Variants in ANKRD33B observed in about 807,000 individuals in gnomAD.
ANKRD33B encodes ankyrin repeat domain-containing protein 33B.
Under a neutral mutation model 21.5 loss-of-function variants are expected in ANKRD33B, and 6 were observed. The ratio of observed to expected loss-of-function variants is 0.28; its 90% CI spans 0.15 to 0.55. The LOEUF is 0.55. Ranked by LOEUF, ANKRD33B falls within the 20% of genes least tolerant of loss-of-function variation. The pLI is 0.94. For missense variants in ANKRD33B, 698 were observed against 747.2 expected, an observed-to-expected ratio of 0.93 and a Z score of 0.77; for synonymous variants, 347 against 342.4, an observed-to-expected ratio of 1.01 and a Z score of -0.15.
At position 10,617,459 on chromosome 5, in the gene ANKRD33B, C is replaced by T. The variant is rs113122538; in HGVS notation, c.367-874C>T. On this transcript the variant is annotated intron_variant, in intron 1 of 3. Transcript: ENST00000296657. ...CTCTTTTTCTATTCAACCTCACCTC[C>T]ATTCTAACAGCAAATCTTCCTTTCC... 1.2e-4 allele frequency among the ~76,000 whole-genome samples: 18 copies of T among 152,356 alleles called. 1 individual carries two copies. Among genetic ancestry groups the T allele is most frequent in the African/African-American group, 4.3e-4 (18 of 41,598 alleles).
intron 1 of ANKRD33B, among the ~76,000 whole-genome samples, chr5:10,616,857 A>C (rs1418448457): frequency 6.6e-6 from 1 of 152,222 alleles, no homozygotes; most frequent in African/African-American, 2.4e-5. Context: ...ACTTATTCAG[A>C]ATGGAAGTTT....
intron 1 of ANKRD33B, among the ~76,000 whole-genome samples, chr5:10,594,386 T>G (rs2126563645): frequency 6.6e-6 from 1 of 152,038 alleles, no homozygotes; most frequent in South Asian, 2.1e-4. Flanking sequence ...CCCGGCTAAT[T>G]TTTGTATTTT....
intron 3 of ANKRD33B, among the ~76,000 whole-genome samples, chr5:10,641,482 G>A (rs1465634188): frequency 6.6e-6 from 1 of 151,898 alleles, no homozygotes; most frequent in East Asian, 1.9e-4. Flanking sequence ...GCCCGCCTTA[G>A]CCTCCCAAAG....
In ANKRD33B at chr5:10,580,970, C is replaced by T. The variant is rs1029361718; in HGVS notation, c.366+16137C>T. On this transcript the variant is annotated intron_variant, in intron 1 of 3. Transcript: ENST00000296657. ...GGCAGGTCCTCTAAGTCTTCTGCTT[C>T]CCAAGGCCAAAGGGCTGCCAGTCGG... Among the ~76,000 whole-genome samples the T allele has an allele frequency of 5.9e-5, 9 of 152,256 alleles. No individual in the cohort carries two copies. In the Middle Eastern group the frequency reaches 0.014, roughly 230 times the overall value.
At chr5:10,613,505 G>C (rs112757439) in intron 1 of ANKRD33B, among the ~76,000 whole-genome samples, 3,398 of 151,676 alleles carry the variant, frequency 0.022, 123 homozygotes, top group African/African-American at 0.078. Flanking sequence ...TTAGCCAGGA[G>C]AGGATGTTAT....
At chr5:10,581,561 C>T (rs1291363798) in intron 1 of ANKRD33B, among the ~76,000 whole-genome samples, 22 of 152,202 alleles carry the variant, frequency 1.4e-4, no homozygotes, top group Non-Finnish European at 2.9e-4. Flanking sequence ...CATAGGCTGG[C>T]CTCTTTACTC....
chr5:10,626,296 C>T (rs1736544138), intron 2 of ANKRD33B, among the ~76,000 whole-genome samples: 1 of 152,244 alleles, frequency 6.6e-6, no homozygotes, highest in Non-Finnish European at 1.5e-5. Context: ...AACAGAATTG[C>T]TTCAGCAAGG....
rs577834929 is a variant in ANKRD33B at position 10,653,037 on chromosome 5, T to C, written c.*2924T>C. The C allele has an allele frequency of 1.1e-5, 2 of 179,436 alleles. No individual in the cohort carries two copies. Among genetic ancestry groups the C allele is most frequent in the African/African-American group, 2.4e-5 (1 of 42,462 alleles). The allele number at this position is 179,436 out of a possible 1,614,324, so 11.1% of individuals were successfully genotyped here. ...AAGCCTGACCTCCCGGGGAGCTTTA[T>C]TGTGGCCTCAGTGGAAAGATTGGAT... On this transcript the variant is annotated 3_prime_UTR_variant, in exon 4 of 4. Coordinates refer to ENST00000296657, the MANE Select transcript of ANKRD33B (RefSeq NM_001164440.2).
Position 10,608,284 on chromosome 5 carries a change from T to G in ANKRD33B, c.367-10049T>G, listed in dbSNP as rs182610038. 1.4e-4 allele frequency among the ~76,000 whole-genome samples: 20 copies of G among 147,592 alleles called. No homozygotes were observed. In the East Asian group the frequency reaches 4.0e-3, roughly 29 times the overall value. Reference sequence around the variant, plus strand: ...GGGGCAGGAGAATCGCCTGAACCCATGAGGCGGACATTGCAGTGAGCCAAG... The same window carrying G: ...GGGGCAGGAGAATCGCCTGAACCCAGGAGGCGGACATTGCAGTGAGCCAAG... On this transcript the variant is annotated intron_variant, in intron 1 of 3. Transcript: ENST00000296657.
At chr5:10,580,335 T>G (rs775725415) in intron 1 of ANKRD33B, among the ~76,000 whole-genome samples, 15 of 152,250 alleles carry the variant, frequency 9.9e-5, no homozygotes, top group Non-Finnish European at 1.8e-4. Flanking sequence ...TTTGCTGACC[T>G]GTCGCTGCAG....
rs1369659305 is a variant in ANKRD33B, at chr5:10,564,630, G to A, written c.163G>A (p.Asp55Asn). ...GCCAGACACCCGCAGCATCGCCTCG[G>A]ACGACTCTTTCTACCCTTTCGAGGA... ...SLPDTRSIASDDSFYPFEDEE... is the reference protein window; with the variant it reads ...SLPDTRSIASNDSFYPFEDEE... Residue 55 changes from aspartate (D) to asparagine (N), a missense_variant, in exon 1 of 4, where the codon GAC becomes AAC. Asp to Asn is a conservative substitution (Grantham distance 23). Coordinates refer to ENST00000296657, the MANE Select transcript of ANKRD33B (RefSeq NM_001164440.2). 6.5e-7 allele frequency: 1 copy of A among 1,534,986 alleles called. No individual in the cohort carries two copies. The highest frequency in any genetic ancestry group is 2.4e-5 in the East Asian group (1 of 40,906).
chr5:10,653,267 C>G lies in ANKRD33B; in HGVS notation c.*3154C>G, dbSNP rs1012305335. 6.6e-6 allele frequency: 1 copy of G among 152,394 alleles called. No individual in the cohort carries two copies. Among genetic ancestry groups the G allele is most frequent in the African/African-American group, 2.4e-5 (1 of 41,432 alleles). 9.4% of individuals were successfully genotyped at this position (152,394 alleles called of 1,614,324 possible). A position where few individuals can be genotyped will look rare whatever the true frequency, so the allele number is the denominator to read the frequency against. ...ACTTCTCATTTTTGCCATGTGGAAGCAGATTTGCTAGTAGAGGAATTTTCC... is the reference window on the plus strand; with the variant it reads ...ACTTCTCATTTTTGCCATGTGGAAGGAGATTTGCTAGTAGAGGAATTTTCC... On this transcript the variant is annotated 3_prime_UTR_variant, in exon 4 of 4. Coordinates refer to ENST00000296657, the MANE Select transcript of ANKRD33B (RefSeq NM_001164440.2).
chr5:10,565,175 C>T (rs546742597), intron 1 of ANKRD33B, among the ~76,000 whole-genome samples: 1 of 152,350 alleles, frequency 6.6e-6, no homozygotes, highest in African/African-American at 2.4e-5. Flanking sequence ...GGATGGGCTT[C>T]TTGCGGCCCG....
rs186440870 is a variant in ANKRD33B at position 10,654,779 on chromosome 5, C to G, written c.*4666C>G. The G allele has an allele frequency of 6.6e-6, 1 of 152,518 alleles. No individual in the cohort carries two copies. Among genetic ancestry groups the G allele is most frequent in the East Asian group, 1.9e-4 (1 of 5,336 alleles). The allele number at this position is 152,518 out of a possible 1,614,324, so 9.4% of individuals were successfully genotyped here. On this transcript the variant is annotated 3_prime_UTR_variant, in exon 4 of 4. Transcript: ENST00000296657. Reference sequence around the variant, plus strand: ...CCAGAACCGGCCGCTCCCGGTCTGACGTTGGAGCACGTGAACTAAGAGTGA... The same window carrying G: ...CCAGAACCGGCCGCTCCCGGTCTGAGGTTGGAGCACGTGAACTAAGAGTGA...
In ANKRD33B at chr5:10,619,409, T is replaced by C; in HGVS notation, c.496+947T>C. On this transcript the variant is annotated intron_variant, in intron 2 of 3. Coordinates refer to ENST00000296657, the MANE Select transcript of ANKRD33B (RefSeq NM_001164440.2). The surrounding 1 kb of genome is among the most constrained non-coding windows in gnomAD (Gnocchi z 4.5). ...TTGATTCTGGTTGGGAAATGGCTGT[T>C]GCTGTCACCAAAAGGAGACCTCCTT... 4.1e-6 allele frequency: 4 copies of C among 983,536 alleles called. No individual in the cohort carries two copies. Among genetic ancestry groups the C allele is most frequent in the Non-Finnish European group, 4.8e-6 (4 of 828,238 alleles). 60.9% of individuals were successfully genotyped at this position (983,536 alleles called of 1,614,324 possible).
At chr5:10,609,307 C>T (rs1337110762) in intron 1 of ANKRD33B, among the ~76,000 whole-genome samples, 3 of 152,166 alleles carry the variant, frequency 2.0e-5, no homozygotes, top group East Asian at 1.9e-4. Context: ...AATCTCAGCA[C>T]TTTGGGAGGC....
chr5:10,606,863 C>A lies in ANKRD33B; in HGVS notation c.367-11470C>A, dbSNP rs111529940. Among the ~76,000 whole-genome samples, 875 of 151,602 alleles carry A rather than the reference C, an allele frequency of 5.8e-3. 14 individuals are homozygous for A. Among genetic ancestry groups the A allele is most frequent in the African/African-American group, 0.02 (829 of 41,394 alleles). On this transcript the variant is annotated intron_variant, in intron 1 of 3. Coordinates refer to ENST00000296657, the MANE Select transcript of ANKRD33B (RefSeq NM_001164440.2). ...CCTGCCTCAGCCTCCTGAGTAGTTGCGATTACAGGTGTGCGTTACTACACC... is the reference window on the plus strand; with the variant it reads ...CCTGCCTCAGCCTCCTGAGTAGTTGAGATTACAGGTGTGCGTTACTACACC...
intron 1 of ANKRD33B, among the ~76,000 whole-genome samples, chr5:10,609,205 A>G (rs1367530245): frequency 1.3e-5 from 2 of 152,246 alleles, no homozygotes; most frequent in Non-Finnish European, 2.9e-5. Flanking sequence ...TGAGTTAAAT[A>G]CAATATATTT....
chr5:10,607,359 G>A (rs77930624), intron 1 of ANKRD33B, among the ~76,000 whole-genome samples: 2,157 of 152,268 alleles, frequency 0.014, 40 homozygotes, highest in African/African-American at 0.05. Context: ...AGCTTCAAGG[G>A]CAGTCAAGTC....
Sources: allele counts gnomAD v4.1 joint callset (sites outside exome capture counted in the v4.1 genomes callset), GRCh38; gene constraint gnomAD v4.1.1; non-coding constraint Gnocchi (gnomAD v3.1); transcripts MANE v1.5; gene names NCBI Gene and HGNC (gene_info 2026-07-23, HGNC 2026-07-21).